The following UNC13A variants were observed in gnomAD, a reference collection of about 807,000 sequenced individuals.
UNC13A encodes protein unc-13 homolog A.
UNC13A carries 61 observed loss-of-function variants against 219.7 expected under a neutral mutation model. The ratio of observed to expected loss-of-function variants is 0.28; its 90% CI spans 0.23 to 0.34. The LOEUF is 0.34. Ranked by LOEUF, UNC13A falls within the 10% of genes least tolerant of loss-of-function variation. The pLI is 1.00. For synonymous variants in UNC13A, 920 were observed against 884.6 expected (o/e 1.04, Z -0.71); for missense variants, 1,476 against 2,270.3 (o/e 0.65, Z 7.11).
intron 12 of UNC13A, 94 bp downstream of exon 12, chr19:17,652,537 C>T (rs1443593590): frequency 6.8e-7 from 1 of 1,478,470 alleles, no homozygotes; most frequent in Non-Finnish European, 9.4e-7. Flanking sequence ...AATGGAACCC[C>T]TCCTCCTCCT....
chr19:17,641,615 G>A lies in UNC13A; in HGVS notation c.2473-59C>T, dbSNP rs112091618. On this transcript the variant is annotated intron_variant, in intron 20 of 43. Coordinates refer to ENST00000519716, the MANE Select transcript of UNC13A (RefSeq NM_001080421.3). ...TGCAAGGGGTCGCCGGGGGTCAGAG[G>A]TCCCAGGGTCTGGGGCAGCTTACAT... 138 of 1,569,356 alleles carry A rather than the reference G, an allele frequency of 8.8e-5. No individual in the cohort carries two copies. The African/African-American group carries it at 1.6e-3, about 18-fold the overall frequency.
chr19:17,687,296 A>T (rs1386300544), intron 1 of UNC13A, among the ~76,000 whole-genome samples: 1 of 151,582 alleles, frequency 6.6e-6, no homozygotes, highest in African/African-American at 2.4e-5. Flanking sequence ...TGGCCCCAAA[A>T]TAGCTCCCCC....
At chr19:17,639,626 G>T in intron 23 of UNC13A, 101 bp from the exon 24 acceptor site, 1 of 1,373,808 alleles carries the variant, frequency 7.3e-7, no homozygotes, top group East Asian at 2.4e-5. Flanking sequence ...TTTCAGGCTG[G>T]GGGTTGATTA....
chr19:17,675,888 C>G, intron 2 of UNC13A, 124 bp downstream of exon 2: 2 of 1,288,058 alleles, frequency 1.6e-6, no homozygotes, highest in Non-Finnish European at 2.2e-6. Context: ...TCTGACCCCT[C>G]TCCTGATGCT....
intron 31 of UNC13A, chr19:17,628,144 G>C (rs372469755): frequency 4.5e-5 from 27 of 602,254 alleles, no homozygotes; most frequent in African/African-American, 4.5e-4. Context: ...GGGGACTGGT[G>C]GGGGCAAGGA....
chr19:17,662,043 A>G (rs2079559232), intron 8 of UNC13A, among the ~76,000 whole-genome samples: 1 of 152,068 alleles, frequency 6.6e-6, no homozygotes, highest in African/African-American at 2.4e-5. Flanking sequence ...GGAGTTCACA[A>G]CCAGCCTGGC....
intron 36 of UNC13A, 125 bp downstream of exon 36, chr19:17,623,417 G>A: frequency 2.7e-6 from 2 of 736,488 alleles, no homozygotes; most frequent in South Asian, 1.8e-5. Context: ...CATCTAGGCG[G>A]GAGGGAGGAT....
rs1474997696 is a variant in UNC13A, at chr19:17,632,853, C to T, written c.3357G>A (p.Lys1119=). ...CATACTCATTGTAGAGCCATTTCACCTTGAAGTGGAGGTTCATGTAGTCGG... is the reference window on the plus strand; with the variant it reads ...CATACTCATTGTAGAGCCATTTCACTTTGAAGTGGAGGTTCATGTAGTCGG... ...KSADYMNLHF[K]VKWLYNEYVT... is the part of the protein sequence containing the mutation. Residue 1119 remains lysine, a synonymous_variant, in exon 28 of 44, where the codon AAG becomes AAA. Coordinates refer to ENST00000519716, the MANE Select transcript of UNC13A (RefSeq NM_001080421.3). 2.0e-5 allele frequency: 33 copies of T among 1,613,872 alleles called. No homozygotes were observed. The highest frequency in any genetic ancestry group is 5.0e-5 in the Admixed American group (3 of 59,990).
rs1019805467 is a variant in UNC13A at position 17,678,926 on chromosome 19, A to C, written c.23-2885T>G. 2.0e-5 allele frequency among the ~76,000 whole-genome samples: 3 copies of C among 152,136 alleles called. No homozygotes were observed. The South Asian group carries it at 6.3e-4, about 32-fold the overall frequency. On this transcript the variant is annotated intron_variant, in intron 1 of 43. Coordinates refer to ENST00000519716, the MANE Select transcript of UNC13A (RefSeq NM_001080421.3). ...ATGATGGGCATGAAAGCAAGAGAGG[A>C]GAGTCTGGACAGATGGAGAGAAATA...
At chr19:17,608,320 CTA>C (rs914180754) in intron 43 of UNC13A, among the ~76,000 whole-genome samples, 2 of 129,742 alleles carry the variant, frequency 1.5e-5, no homozygotes, top group Non-Finnish European at 3.2e-5. Context: ...TTTATTTATA[CTA>C]TATAATATAT....
chr19:17,611,390 G>A (rs144167099), intron 42 of UNC13A, among the ~76,000 whole-genome samples: 1,917 of 152,232 alleles, frequency 0.013, 52 homozygotes, highest in Non-Finnish European at 9.5e-3. Flanking sequence ...CACCATGTTG[G>A]CCAGGCTGGT....
chr19:17,614,837 C>T (rs1189748833), intron 41 of UNC13A, among the ~76,000 whole-genome samples: 5 of 152,332 alleles, frequency 3.3e-5, no homozygotes, highest in African/African-American at 1.2e-4. Flanking sequence ...CCGCCCTCCC[C>T]CAGGCCGATG....
At chr19:17,633,737 C>T (rs924230311) in intron 26 of UNC13A, among the ~76,000 whole-genome samples, 3 of 151,764 alleles carry the variant, frequency 2.0e-5, no homozygotes, top group African/African-American at 7.3e-5. Flanking sequence ...ATCTATTTAT[C>T]CATCCATCCC....
Position 17,645,656 on chromosome 19 carries a change from G to A in UNC13A, c.2356+18C>T. ...CTGGGACCCGTCCCCACCCGCTTCAGAACCCAGCTTCTCTCACCCAGGTTG... is the reference window on the plus strand; with the variant it reads ...CTGGGACCCGTCCCCACCCGCTTCAAAACCCAGCTTCTCTCACCCAGGTTG... On this transcript the variant is annotated intron_variant, in intron 19 of 43. Coordinates refer to ENST00000519716, the MANE Select transcript of UNC13A (RefSeq NM_001080421.3). The A allele has an allele frequency of 6.2e-7, 1 of 1,613,968 alleles. No homozygotes were observed. Among genetic ancestry groups the A allele is most frequent in the Non-Finnish European group, 8.5e-7 (1 of 1,179,868 alleles).
In UNC13A at chr19:17,605,334, G is replaced by A. The variant is rs1477217208; in HGVS notation, c.*720C>T. 2 of 152,714 alleles carry A rather than the reference G, an allele frequency of 1.3e-5. No individual in the cohort carries two copies. Among genetic ancestry groups the A allele is most frequent in the African/African-American group, 4.8e-5 (2 of 41,448 alleles). 9.5% of individuals were successfully genotyped at this position (152,714 alleles called of 1,614,324 possible). On this transcript the variant is annotated 3_prime_UTR_variant, in exon 44 of 44. Coordinates refer to ENST00000519716, the MANE Select transcript of UNC13A (RefSeq NM_001080421.3). ...GGGTGTGTTGAACTCTATGATATGA[G>A]GACTGGGTTTGTTGGGGGAGAGGGA...
At chr19:17,624,627 CCT>C (rs1351450215) in intron 35 of UNC13A, among the ~76,000 whole-genome samples, 200 bp downstream of exon 35, 2 of 152,084 alleles carry the variant, frequency 1.3e-5, no homozygotes, top group Admixed American at 6.5e-5. Flanking sequence ...ATCTTTAACC[CCT>C]GTGTGAACTC....
chr19:17,632,084 T>C (rs2076862059), intron 28 of UNC13A, among the ~76,000 whole-genome samples: 1 of 152,168 alleles, frequency 6.6e-6, no homozygotes, highest in East Asian at 1.9e-4. Flanking sequence ...CTAATTTTTG[T>C]ATTTTTAGTA....
intron 1 of UNC13A, 135 bp downstream of exon 1, chr19:17,688,043 G>C: frequency 2.6e-6 from 3 of 1,160,912 alleles, no homozygotes; most frequent in Non-Finnish European, 3.5e-6. Flanking sequence ...GCGTCGACAA[G>C]GGCTACCCCT....
chr19:17,648,453 C>G lies in UNC13A; in HGVS notation c.1794G>C (p.Leu598=), dbSNP rs1373586635. 3 of 1,605,720 alleles carry G rather than the reference C, an allele frequency of 1.9e-6. No homozygotes were observed. Among genetic ancestry groups the G allele is most frequent in the Non-Finnish European group, 2.5e-6 (3 of 1,178,594 alleles). ...GVKCHEKCQD[L]LNADCLQRAA... Reference sequence around the variant, plus strand: ...CACGCTGCAGGCAGTCGGCGTTGAGCAGGTCCTGGCACTTCTCGTGGCACT... The same window carrying G: ...CACGCTGCAGGCAGTCGGCGTTGAGGAGGTCCTGGCACTTCTCGTGGCACT... Residue 598 remains leucine, a synonymous_variant, in exon 16 of 44, where the codon CTG becomes CTC. Transcript: ENST00000519716.
Sources: gnomAD v4.1 joint callset for allele counts (sites outside exome capture counted in the v4.1 genomes callset) on GRCh38, gnomAD v4.1.1 for gene constraint, MANE v1.5 for transcripts, NCBI Gene and HGNC (gene_info 2026-07-23, HGNC 2026-07-21) for gene names.